The following ACACA variants were observed in gnomAD, a reference collection of about 807,000 sequenced individuals.
The protein encoded by ACACA is acetyl-CoA carboxylase alpha, also known as acetyl-CoA carboxylase 1.
ACACA carries 103 observed loss-of-function variants against 296.1 expected under a neutral mutation model. The observed-to-expected ratio is 0.35, with a 90% CI of 0.30 to 0.41. The LOEUF (loss-of-function observed/expected upper bound fraction) is 0.41. ACACA is among the 10% of genes least tolerant of loss of function. The probability of loss-of-function intolerance (pLI) is 1.00; values close to 1 mark genes in which losing one functional copy is unlikely to be tolerated. For missense variants in ACACA, 1,554 were observed against 2,989.7 expected (o/e 0.52, Z 11.20); for synonymous variants, 953 against 1,038.6 (o/e 0.92, Z 1.58).
intron 3 of ACACA, among the ~76,000 whole-genome samples, chr17:37,305,110 T>C (rs1276325946): frequency 1.3e-5 from 2 of 152,218 alleles, no homozygotes; most frequent in Non-Finnish European, 2.9e-5. Context: ...CACATTTTCC[T>C]GTATCTTTAC....
chr17:37,124,252 TAGAA>T (rs2074667694), intron 48 of ACACA, among the ~76,000 whole-genome samples: 1 of 152,194 alleles, frequency 6.6e-6, no homozygotes, highest in Non-Finnish European at 1.5e-5. Flanking sequence ...ACTCGTCAGA[TAGAA>T]AGAAAGGAGG....
intron 23 of ACACA, 82 bp downstream of exon 23, chr17:37,241,871 G>C: frequency 9.1e-7 from 1 of 1,101,708 alleles, no homozygotes; most frequent in East Asian, 2.4e-5. Context: ...TCAAATCTGA[G>C]GTAAATTTTT....
At chr17:37,217,793 G>T (rs1156450662) in intron 29 of ACACA, among the ~76,000 whole-genome samples, 3 of 141,314 alleles carry the variant, frequency 2.1e-5, no homozygotes, top group Non-Finnish European at 4.6e-5. Context: ...AATAATTTTT[G>T]GTCTGTACTA....
intron 41 of ACACA, among the ~76,000 whole-genome samples, chr17:37,173,872 C>T (rs532927553): frequency 2.6e-3 from 382 of 145,118 alleles, no homozygotes; most frequent in Non-Finnish European, 4.5e-3. Flanking sequence ...GGAGTGCAGT[C>T]GTGCGATCTT....
intron 1 of ACACA, among the ~76,000 whole-genome samples, chr17:37,391,081 AC>A (rs756909820): frequency 1.3e-5 from 2 of 152,196 alleles, no homozygotes; most frequent in Middle Eastern, 3.4e-3. Flanking sequence ...AACTAAAAAT[AC>A]AAAAAATTAG....
chr17:37,251,341 A>T (rs549997990), intron 16 of ACACA, among the ~76,000 whole-genome samples: 58 of 152,302 alleles, frequency 3.8e-4, no homozygotes, highest in Admixed American at 1.1e-3. Flanking sequence ...ATAGGACTTG[A>T]ATAACTCTGA....
intron 23 of ACACA, among the ~76,000 whole-genome samples, chr17:37,240,940 C>G (rs12452907): frequency 0.017 from 2,657 of 152,228 alleles, 40 homozygotes; most frequent in Middle Eastern, 0.058. Flanking sequence ...CATCTGCAAT[C>G]CCAGAACTTT....
chr17:37,104,944 G>GAAAAAAAA (rs66518229), intron 52 of ACACA, among the ~76,000 whole-genome samples: 3 of 56,634 alleles, frequency 5.3e-5, no homozygotes, highest in African/African-American at 7.1e-5. Flanking sequence ...GTCTCTGACC[G>GAAAAAAAA]AAAAAAAAAA....
chr17:37,340,451 CA>C (rs2048329394), intron 1 of ACACA, among the ~76,000 whole-genome samples: 1 of 152,164 alleles, frequency 6.6e-6, no homozygotes, highest in African/African-American at 2.4e-5. Flanking sequence ...AAAAATTTTA[CA>C]AAGTCTAAAC....
chr17:37,391,202 C>A (rs1185388216), intron 1 of ACACA, among the ~76,000 whole-genome samples: 7 of 152,108 alleles, frequency 4.6e-5, no homozygotes, highest in Non-Finnish European at 7.4e-5. Context: ...CACACCACTG[C>A]ACTGCAGCCT....
intron 3 of ACACA, among the ~76,000 whole-genome samples, chr17:37,304,331 T>C (rs956273756): frequency 6.6e-6 from 1 of 152,062 alleles, no homozygotes; most frequent in Non-Finnish European, 1.5e-5. Flanking sequence ...CACAGACATA[T>C]GCTGCCATGC....
Position 37,339,148 on chromosome 17 carries a change from A to C in ACACA, c.85+656T>G, listed in dbSNP as rs9898293. ...TTAAAAGTAACAGTAGATCCAAAAA[A>C]TAAAATCCCATCCCAACTAACAGAA... On this transcript the variant is annotated intron_variant, in intron 2 of 55. Transcript: ENST00000616317. Among the ~76,000 whole-genome samples, 1,347 of 152,338 alleles carry C rather than the reference A, an allele frequency of 8.8e-3. 14 individuals are homozygous for C. The highest frequency in any genetic ancestry group is 0.031 in the African/African-American group (1,284 of 41,586).
At chr17:37,128,211 T>G (rs1295203249) in intron 47 of ACACA, among the ~76,000 whole-genome samples, 1 of 152,124 alleles carries the variant, frequency 6.6e-6, no homozygotes, top group Non-Finnish European at 1.5e-5. Flanking sequence ...GAAAGTCTAA[T>G]GTAGATATTG....
intron 4 of ACACA, among the ~76,000 whole-genome samples, chr17:37,283,988 G>C (rs1405290772): frequency 6.6e-6 from 1 of 152,198 alleles, no homozygotes; most frequent in African/African-American, 2.4e-5. Flanking sequence ...CTATCTTGCA[G>C]TCATGCCTCT....
chr17:37,257,833 G>A lies in ACACA; in HGVS notation c.1696C>T (p.Leu566=). ...FKPSSGTVQE[L]NFRSNKNVWG... is the part of the protein sequence containing the mutation. The stretch of plus-strand genomic sequence containing the variant: ...ACATTCTTATTGCTGCGGAAATTTA[G>A]CTCCTGAACTGTTCCTGAGCTGGGC... The change falls in exon 14 of 56, where the codon CTA becomes TTA. Residue 566 remains leucine (L), a synonymous_variant. Coordinates refer to ENST00000616317, the MANE Select transcript of ACACA (RefSeq NM_198834.3). The A allele has an allele frequency of 6.2e-7, 1 of 1,614,144 alleles. No homozygotes were observed. The highest frequency in any genetic ancestry group is 1.1e-5 in the South Asian group (1 of 91,082).
chr17:37,380,593 T>TC (rs1287274826), intron 1 of ACACA, among the ~76,000 whole-genome samples: 4 of 152,036 alleles, frequency 2.6e-5, no homozygotes, highest in African/African-American at 9.7e-5. Flanking sequence ...TTTTAAAATT[T>TC]CTTTTTTTTT....
intron 14 of ACACA, among the ~76,000 whole-genome samples, chr17:37,255,550 G>A (rs575061016): frequency 6.6e-6 from 1 of 152,244 alleles, no homozygotes; most frequent in East Asian, 1.9e-4. Flanking sequence ...AAGGCTTCTG[G>A]ATTGGGTTAT....
rs763323750 is a variant in ACACA, at chr17:37,240,461, C to T, written c.3121+15G>A. On this transcript the variant is annotated intron_variant, in intron 24 of 55. Coordinates refer to ENST00000616317, the MANE Select transcript of ACACA (RefSeq NM_198834.3). ...AAGGCTTTCTTAGCTAGAGAGTCCT[C>T]AGGAAGAGGCTTACCATTCTGGAAT... The T allele has an allele frequency of 6.2e-7, 1 of 1,611,826 alleles. No homozygotes were observed. Among genetic ancestry groups the T allele is most frequent in the Non-Finnish European group, 8.5e-7 (1 of 1,178,976 alleles).
intron 3 of ACACA, among the ~76,000 whole-genome samples, chr17:37,287,115 C>T (rs1168737549): frequency 6.6e-6 from 1 of 152,136 alleles, no homozygotes; most frequent in African/African-American, 2.4e-5. Context: ...TGGACATAAG[C>T]TCCTTTGTAC....
Sources: gnomAD v4.1 joint callset for allele counts (sites outside exome capture counted in the v4.1 genomes callset) on GRCh38, gnomAD v4.1.1 for gene constraint, MANE v1.5 for transcripts, NCBI Gene and HGNC (gene_info 2026-07-23, HGNC 2026-07-21) for gene names.